Variants in KIAA0825 observed in about 807,000 individuals in gnomAD.
The protein encoded by KIAA0825 is uncharacterized protein KIAA0825.
KIAA0825 carries 119 observed loss-of-function variants against 147.6 expected under a neutral mutation model. The observed-to-expected ratio is 0.81, with a 90% CI of 0.69 to 0.94. KIAA0825 has a LOEUF of 0.94. KIAA0825 is among the 40% of genes least tolerant of loss of function. The probability of loss-of-function intolerance (pLI) is 0.00; values close to 1 mark genes in which losing one functional copy is unlikely to be tolerated. For synonymous variants in KIAA0825, 470 were observed against 518.1 expected (o/e 0.91, Z 1.26); for missense variants, 1,381 against 1,472.7 (o/e 0.94, Z 1.02).
chr5:94,358,077 C>T (rs1744544295), intron 20 of KIAA0825, among the ~76,000 whole-genome samples: 2 of 152,168 alleles, frequency 1.3e-5, no homozygotes, highest in African/African-American at 4.8e-5. Context: ...ATAACGAGAT[C>T]GTCATTTAGT....
rs570456884 is a variant in KIAA0825, at chr5:94,363,221, A to C, written c.3710+21147T>G. 9.3e-5 allele frequency among the ~76,000 whole-genome samples: 14 copies of C among 150,676 alleles called. No homozygotes were observed. In the South Asian group the frequency reaches 2.9e-3, roughly 32 times the overall value. On this transcript the variant is annotated intron_variant, in intron 20 of 20. Transcript: ENST00000682413. The stretch of plus-strand genomic sequence containing the variant: ...TAGGACTCTGACTATTATTAGGTTT[A>C]ATTCATTAACCTAGAATAATCAATT...
At chr5:94,173,838 C>A (rs1768858318) in intron 20 of KIAA0825, among the ~76,000 whole-genome samples, 3 of 152,238 alleles carry the variant, frequency 2.0e-5, no homozygotes, top group Admixed American at 1.3e-4. Context: ...GGGCAAGCCT[C>A]AGAACAGGGA....
intron 18 of KIAA0825, among the ~76,000 whole-genome samples, chr5:94,388,233 T>C (rs946264407): frequency 2.0e-5 from 3 of 152,194 alleles, no homozygotes; most frequent in Non-Finnish European, 4.4e-5. Context: ...GCTGCTGATA[T>C]GACGATAGGT....
At chr5:94,214,549 C>T (rs1327426496) in intron 20 of KIAA0825, among the ~76,000 whole-genome samples, 1 of 152,174 alleles carries the variant, frequency 6.6e-6, no homozygotes, top group East Asian at 1.9e-4. Context: ...CTAGTGGCCC[C>T]AGGGCTTGTA....
intron 20 of KIAA0825, among the ~76,000 whole-genome samples, chr5:94,254,001 C>T (rs191590901): frequency 6.6e-6 from 1 of 152,218 alleles, no homozygotes; most frequent in African/African-American, 2.4e-5. Context: ...GCAAGAGACG[C>T]GTAAGAGCCG....
chr5:94,399,149 T>C (rs1751050668), intron 16 of KIAA0825, among the ~76,000 whole-genome samples: 1 of 152,168 alleles, frequency 6.6e-6, no homozygotes, highest in Non-Finnish European at 1.5e-5. Flanking sequence ...ATGTTTTCTT[T>C]TTATTCAAAT....
Position 94,428,779 on chromosome 5 carries a change from T to C in KIAA0825, c.2497+11203A>G, listed in dbSNP as rs571124883. Among the ~76,000 whole-genome samples the C allele has an allele frequency of 8.5e-4, 130 of 152,320 alleles. 1 individual carries two copies. Among genetic ancestry groups the C allele is most frequent in the African/African-American group, 2.8e-3 (117 of 41,578 alleles). On this transcript the variant is annotated intron_variant, in intron 14 of 20. Coordinates refer to ENST00000682413, the MANE Select transcript of KIAA0825 (RefSeq NM_001145678.3). Reference sequence around the variant, plus strand: ...TTGCAGGTGATCTTGAATTATTCCCTCAAGTACATTTTCCAGGTTGTTTAC... The same window carrying C: ...TTGCAGGTGATCTTGAATTATTCCCCCAAGTACATTTTCCAGGTTGTTTAC...
intron 1 of KIAA0825, among the ~76,000 whole-genome samples, chr5:94,606,055 C>A (rs537206011): frequency 6.6e-6 from 1 of 152,304 alleles, no homozygotes; most frequent in East Asian, 1.9e-4. Context: ...TAAACAACTT[C>A]AGCAAAGTTT....
At chr5:94,235,940 T>A (rs896383758) in intron 20 of KIAA0825, among the ~76,000 whole-genome samples, 2 of 152,206 alleles carry the variant, frequency 1.3e-5, no homozygotes, top group African/African-American at 4.8e-5. Flanking sequence ...AAAAAAAGAT[T>A]ATTTTCAAAC....
intron 20 of KIAA0825, among the ~76,000 whole-genome samples, chr5:94,276,505 A>C (rs1218853301): frequency 6.6e-6 from 1 of 151,718 alleles, no homozygotes; most frequent in African/African-American, 2.4e-5. Flanking sequence ...GGGATTTGAC[A>C]AGCCTAGATT....
At chr5:94,470,467 A>G (rs555520485) in intron 9 of KIAA0825, among the ~76,000 whole-genome samples, 22 of 152,338 alleles carry the variant, frequency 1.4e-4, no homozygotes, top group African/African-American at 5.3e-4. Context: ...CTAGAGAACA[A>G]CATGCACTTG....
rs1776540710 is a variant in KIAA0825, at chr5:94,262,395, T to G, written c.3711-108271A>C. Among the ~76,000 whole-genome samples the G allele has an allele frequency of 2.0e-5, 3 of 152,110 alleles. No individual in the cohort carries two copies. The South Asian group carries it at 6.2e-4, about 32-fold the overall frequency. ...TAAAATTTAAACATTTTTATCTATA[T>G]AAAAATTTAAATAATAGTTATGTTT... On this transcript the variant is annotated intron_variant, in intron 20 of 20. Coordinates refer to ENST00000682413, the MANE Select transcript of KIAA0825 (RefSeq NM_001145678.3).
chr5:94,375,282 C>T lies in KIAA0825; in HGVS notation c.3710+9086G>A, dbSNP rs1000530135. Reference sequence around the variant, plus strand: ...TCCTGACCTCGTGATCTGCCCACCTCGGCCTCCCAAAGCTCTGGGATTACA... The same window carrying T: ...TCCTGACCTCGTGATCTGCCCACCTTGGCCTCCCAAAGCTCTGGGATTACA... On this transcript the variant is annotated intron_variant, in intron 20 of 20. Coordinates refer to ENST00000682413, the MANE Select transcript of KIAA0825 (RefSeq NM_001145678.3). Among the ~76,000 whole-genome samples the T allele has an allele frequency of 8.5e-5, 13 of 152,124 alleles. No individual in the cohort carries two copies. The East Asian group carries it at 1.9e-3, about 23-fold the overall frequency.
At chr5:94,328,973 G>A (rs918522804) in intron 20 of KIAA0825, among the ~76,000 whole-genome samples, 2 of 152,156 alleles carry the variant, frequency 1.3e-5, no homozygotes, top group African/African-American at 2.4e-5. Context: ...TTTGTTAGGT[G>A]TGTCTTTTAG....
Position 94,571,951 on chromosome 5 carries a change from C to T in KIAA0825, c.-2+10482G>A, listed in dbSNP as rs192032692. ...ACAAAACCTTTTTAGTGGCCGGGCACAATGGCATGTGCCTGTAGTTCCAGC... is the reference window on the plus strand; with the variant it reads ...ACAAAACCTTTTTAGTGGCCGGGCATAATGGCATGTGCCTGTAGTTCCAGC... On this transcript the variant is annotated intron_variant, in intron 2 of 20. Coordinates refer to ENST00000682413, the MANE Select transcript of KIAA0825 (RefSeq NM_001145678.3). Among the ~76,000 whole-genome samples, 140 of 152,218 alleles carry T rather than the reference C, an allele frequency of 9.2e-4. 1 individual carries two copies. Among genetic ancestry groups the T allele is most frequent in the Non-Finnish European group, 1.6e-3 (107 of 68,004 alleles).
intron 12 of KIAA0825, among the ~76,000 whole-genome samples, chr5:94,456,773 T>G (rs547131460): frequency 6.6e-6 from 1 of 152,330 alleles, no homozygotes; most frequent in South Asian, 2.1e-4. Context: ...TAAGATATCA[T>G]TATGAGATAA....
chr5:94,402,402 T>C (rs1330698363), intron 16 of KIAA0825, among the ~76,000 whole-genome samples: 1 of 152,066 alleles, frequency 6.6e-6, no homozygotes, highest in East Asian at 1.9e-4. Context: ...AAAGGAGAGA[T>C]GGCAACAACT....
chr5:94,380,232 T>C (rs1298099818), intron 20 of KIAA0825, among the ~76,000 whole-genome samples: 4 of 152,208 alleles, frequency 2.6e-5, no homozygotes, highest in Admixed American at 2.6e-4. Context: ...TCACCCAAAT[T>C]TGGAAAATGA....
At chr5:94,475,410 G>A (rs1390947138) in intron 7 of KIAA0825, among the ~76,000 whole-genome samples, 1 of 152,132 alleles carries the variant, frequency 6.6e-6, no homozygotes, top group Admixed American at 6.5e-5. Flanking sequence ...GGCAGTGAAA[G>A]TTACCTTTGC....
Sources: allele counts gnomAD v4.1 joint callset (sites outside exome capture counted in the v4.1 genomes callset), GRCh38; gene constraint gnomAD v4.1.1; transcripts MANE v1.5; gene names NCBI Gene and HGNC (gene_info 2026-07-23, HGNC 2026-07-21).